Variants in RUNX2 observed in about 807,000 individuals in gnomAD.
The protein encoded by RUNX2 is RUNX family transcription factor 2.
In RUNX2, 10 loss-of-function variants were observed where a neutral mutation model predicts 51.7. The observed-to-expected ratio is 0.19, with a 90% CI of 0.12 to 0.33. RUNX2 has a LOEUF of 0.33. Ranked by LOEUF, RUNX2 falls within the 10% of genes least tolerant of loss-of-function variation. RUNX2 has a pLI of 1.00. For synonymous variants in RUNX2, 276 were observed against 273.6 expected, an observed-to-expected ratio of 1.01 and a Z score of -0.09; for missense variants, 562 against 691.3, an observed-to-expected ratio of 0.81 and a Z score of 2.10.
rs1239123481 is a variant in RUNX2 at position 45,335,913 on chromosome 6, G to C, written c.58+7129G>C. 5.3e-5 allele frequency among the ~76,000 whole-genome samples: 8 copies of C among 151,366 alleles called. No individual in the cohort carries two copies. In the East Asian group the frequency reaches 1.2e-3, roughly 22 times the overall value. ...GAAAAACTTGCTACTGCTCTTATAA[G>C]AGTCAATGCAAAAATGAAATATTTA... is the stretch of plus-strand genomic sequence containing the variant. On this transcript the variant is annotated intron_variant, in intron 2 of 8. Coordinates refer to ENST00000647337, the MANE Select transcript of RUNX2 (RefSeq NM_001024630.4).
chr6:45,367,664 C>A (rs964330993), intron 2 of RUNX2, among the ~76,000 whole-genome samples: 26 of 152,150 alleles, frequency 1.7e-4, no homozygotes, highest in African/African-American at 6.0e-4. Flanking sequence ...GTAACCCCAG[C>A]CTCCAGAAAG....
chr6:45,482,929 T>C (rs1800156258), intron 5 of RUNX2, among the ~76,000 whole-genome samples: 1 of 152,198 alleles, frequency 6.6e-6, no homozygotes, highest in African/African-American at 2.4e-5. Context: ...CTTGAAGATA[T>C]GTGGTAGTGA....
chr6:45,493,772 GTA>G (rs529746739), intron 6 of RUNX2, among the ~76,000 whole-genome samples: 109 of 151,512 alleles, frequency 7.2e-4, no homozygotes, highest in African/African-American at 2.5e-3. Context: ...AGAAGCAAAT[GTA>G]TATATATACA....
intron 2 of RUNX2, among the ~76,000 whole-genome samples, chr6:45,372,404 T>C (rs1448851479): frequency 6.6e-6 from 1 of 152,170 alleles, no homozygotes; most frequent in Non-Finnish European, 1.5e-5. Context: ...CTGTTAAACA[T>C]GTATATTCTC....
intron 2 of RUNX2, among the ~76,000 whole-genome samples, chr6:45,388,959 G>T (rs1384442751): frequency 6.6e-6 from 1 of 152,120 alleles, no homozygotes; most frequent in African/African-American, 2.4e-5. Context: ...TCCAGCACTG[G>T]TATCATCTCA....
At chr6:45,336,821 G>GTTT (rs552969441) in intron 2 of RUNX2, among the ~76,000 whole-genome samples, 1 of 151,400 alleles carries the variant, frequency 6.6e-6, no homozygotes, top group South Asian at 2.1e-4. Context: ...TTCTACCTCT[G>GTTT]TTTTAAACTT....
At chr6:45,505,836 C>G (rs770099142) in intron 6 of RUNX2, among the ~76,000 whole-genome samples, 6 of 152,196 alleles carry the variant, frequency 3.9e-5, no homozygotes, top group Admixed American at 6.5e-5. Flanking sequence ...AAAATCGATT[C>G]TGACATTGGT....
At chr6:45,495,794 T>A (rs773396947) in intron 6 of RUNX2, among the ~76,000 whole-genome samples, 1 of 152,196 alleles carries the variant, frequency 6.6e-6, no homozygotes, top group Non-Finnish European at 1.5e-5. Context: ...GCATTTAGTG[T>A]TTCATAGTTA....
intron 6 of RUNX2, among the ~76,000 whole-genome samples, chr6:45,495,816 T>A (rs147953552): frequency 3.6e-4 from 55 of 152,354 alleles, no homozygotes; most frequent in African/African-American, 1.3e-3. Context: ...CCTTTTCCAG[T>A]GTCTCTTGCA....
intron 2 of RUNX2, among the ~76,000 whole-genome samples, chr6:45,357,512 A>T (rs1793460606): frequency 6.6e-6 from 1 of 151,856 alleles, no homozygotes; most frequent in African/African-American, 2.4e-5. Context: ...TTCTGTAGAG[A>T]CAGCGTCTCA....
chr6:45,479,582 A>G (rs887630176), intron 5 of RUNX2, among the ~76,000 whole-genome samples: 7 of 152,216 alleles, frequency 4.6e-5, no homozygotes, highest in African/African-American at 1.4e-4. Context: ...ATAAATTTAT[A>G]ACCACATATA....
chr6:45,521,813 C>T (rs188496198), intron 7 of RUNX2, among the ~76,000 whole-genome samples: 19 of 152,264 alleles, frequency 1.2e-4, no homozygotes, highest in African/African-American at 4.3e-4. Flanking sequence ...CTTAACGCCT[C>T]GTACCCAGAA....
intron 5 of RUNX2, among the ~76,000 whole-genome samples, chr6:45,475,926 A>G (rs535773929): frequency 2.0e-5 from 3 of 152,324 alleles, no homozygotes; most frequent in South Asian, 4.1e-4. Context: ...GACATTCTAA[A>G]TTGTTCTAGA....
At chr6:45,499,505 C>T (rs1563112951) in intron 6 of RUNX2, among the ~76,000 whole-genome samples, 1 of 152,098 alleles carries the variant, frequency 6.6e-6, no homozygotes, top group South Asian at 2.1e-4. Context: ...GTGGTCAACC[C>T]GTTATGTTGT....
chr6:45,383,966 T>A (rs1797294838), intron 2 of RUNX2, among the ~76,000 whole-genome samples: 2 of 152,240 alleles, frequency 1.3e-5, no homozygotes, highest in Admixed American at 1.3e-4. Flanking sequence ...TTACTTTGTT[T>A]TTATTTTTAG....
chr6:45,366,101 G>A (rs901865870), intron 2 of RUNX2, among the ~76,000 whole-genome samples: 2 of 152,032 alleles, frequency 1.3e-5, no homozygotes, highest in Non-Finnish European at 2.9e-5. Flanking sequence ...TATTATACTG[G>A]AAGTGCTCAA....
chr6:45,422,341 C>A, intron 2 of RUNX2: 1 of 482,872 alleles, frequency 2.1e-6, no homozygotes, highest in South Asian at 2.5e-5. Context: ...CAAAGATCTG[C>A]GCCTCCCGGG....
At chr6:45,471,611 A>AT (rs1348501747) in intron 5 of RUNX2, among the ~76,000 whole-genome samples, 1 of 151,876 alleles carries the variant, frequency 6.6e-6, no homozygotes, top group African/African-American at 2.4e-5. Flanking sequence ...CGCCCAGCTA[A>AT]TTTTTTGTAT....
intron 5 of RUNX2, among the ~76,000 whole-genome samples, chr6:45,472,210 G>C (rs1338971228): frequency 1.3e-5 from 2 of 152,030 alleles, no homozygotes; most frequent in African/African-American, 2.4e-5. Flanking sequence ...AGTGCTGCCT[G>C]GTGCAAAAAC....
Sources: allele counts gnomAD v4.1 joint callset (sites outside exome capture counted in the v4.1 genomes callset), GRCh38; gene constraint gnomAD v4.1.1; transcripts MANE v1.5; gene names NCBI Gene and HGNC (gene_info 2026-07-23, HGNC 2026-07-21).